Variants in ARHGDIA observed in about 807,000 individuals in gnomAD.
The protein encoded by ARHGDIA is rho GDP-dissociation inhibitor 1.
ARHGDIA carries 9 observed loss-of-function variants against 25.0 expected under a neutral mutation model. The observed-to-expected ratio is 0.36, with a 90% CI of 0.22 to 0.63. The LOEUF is 0.63. Among genes scored for constraint, ARHGDIA ranks in the 20% least tolerant of loss-of-function variants. The pLI is 0.69. For synonymous variants in ARHGDIA, 166 were observed against 111.5 expected (o/e 1.49, Z -3.08); for missense variants, 239 against 264.3 (o/e 0.90, Z 0.66).
intron 1 of ARHGDIA, chr17:81,870,927 C>T (rs2039277927): frequency 6.6e-6 from 1 of 151,338 alleles, no homozygotes; most frequent in Admixed American, 6.6e-5. Context: ...CCCGGCGCCC[C>T]CCGCGTCCCC....
chr17:81,869,325 C>G lies in ARHGDIA; in HGVS notation c.351+5G>C. 2 of 1,614,108 alleles carry G rather than the reference C, an allele frequency of 1.2e-6. No homozygotes were observed. Among genetic ancestry groups the G allele is most frequent in the Non-Finnish European group, 1.7e-6 (2 of 1,180,002 alleles). On this transcript the variant is annotated splice_donor_5th_base_variant and intron_variant, in intron 4 of 5. Coordinates refer to ENST00000269321, the MANE Select transcript of ARHGDIA (RefSeq NM_004309.6). ...ATTCCCTGGCCACAGCAGCCTGTAG[C>G]TTACCCGGAAAGAGATTTTTATCCG... is the stretch of plus-strand genomic sequence containing the variant.
rs766228744 is a variant in ARHGDIA, at chr17:81,868,826, G to A, written c.*50C>T. The A allele has an allele frequency of 8.1e-6, 13 of 1,611,264 alleles. No individual in the cohort carries two copies. Among genetic ancestry groups the A allele is most frequent in the African/African-American group, 6.7e-5 (5 of 74,884 alleles). ...GGGAGGGGCTGGGGGGGACACATCC[G>A]CCTGTCCGTCGTCCGTCCGTCAGTC... On this transcript the variant is annotated 3_prime_UTR_variant, in exon 6 of 6. Transcript: ENST00000269321.
In ARHGDIA at chr17:81,868,654, G is replaced by A; in HGVS notation, c.*222C>T. ...CTCCCCCACAGCACAGGCAGAAGCA[G>A]CAACGAGACAGGAGACCGAGGAGGC... On this transcript the variant is annotated 3_prime_UTR_variant, in exon 6 of 6. Transcript: ENST00000269321. The A allele has an allele frequency of 6.5e-7, 1 of 1,535,182 alleles. No individual in the cohort carries two copies. Among genetic ancestry groups the A allele is most frequent in the East Asian group, 2.4e-5 (1 of 40,900 alleles).
At chr17:81,871,146 C>G (rs542489091) in intron 1 of ARHGDIA, among the ~76,000 whole-genome samples, 152 bp downstream of exon 1, 47 of 146,412 alleles carry the variant, frequency 3.2e-4, no homozygotes, top group African/African-American at 1.1e-3. Flanking sequence ...ACCGCGCCCC[C>G]GCCCGCCGAG....
chr17:81,870,033 C>T, intron 1 of ARHGDIA, 76 bp from the exon 2 acceptor site: 5 of 1,427,676 alleles, frequency 3.5e-6, no homozygotes, highest in Non-Finnish European at 4.7e-6. Flanking sequence ...GTGTGGGCTG[C>T]AGCCGGAGCT....
Position 81,868,832 on chromosome 17 carries a change from C to T in ARHGDIA, c.*44G>A. On this transcript the variant is annotated 3_prime_UTR_variant, in exon 6 of 6. Transcript: ENST00000269321. ...GGCTGGGGGGGACACATCCGCCTGTCCGTCGTCCGTCCGTCAGTCTGCCCT... is the reference window on the plus strand; with the variant it reads ...GGCTGGGGGGGACACATCCGCCTGTTCGTCGTCCGTCCGTCAGTCTGCCCT... The T allele has an allele frequency of 1.2e-6, 2 of 1,612,160 alleles. No individual in the cohort carries two copies. Among genetic ancestry groups the T allele is most frequent in the Non-Finnish European group, 1.7e-6 (2 of 1,179,710 alleles).
intron 4 of ARHGDIA, 43 bp downstream of exon 4, chr17:81,869,287 C>A: frequency 6.2e-7 from 1 of 1,613,980 alleles, no homozygotes; most frequent in Non-Finnish European, 8.5e-7. Flanking sequence ...ACCCCAGCCC[C>A]AGCCCCGCCT....
At chr17:81,871,009 G>A (rs1179805220) in intron 1 of ARHGDIA, 1 of 149,802 alleles carries the variant, frequency 6.7e-6, no homozygotes, top group Non-Finnish European at 1.5e-5. Context: ...CGGACCGCTC[G>A]GGAGGGGCCG....
chr17:81,871,222 C>T (rs1473227134), intron 1 of ARHGDIA, 76 bp downstream of exon 1: 1 of 148,816 alleles, frequency 6.7e-6, no homozygotes, highest in Non-Finnish European at 1.5e-5. Context: ...CGCCCCCCGC[C>T]CCCGCCGGCG....
At chr17:81,870,017 G>C (rs2039239418) in intron 1 of ARHGDIA, 60 bp from the exon 2 acceptor site, 1 of 1,514,748 alleles carries the variant, frequency 6.6e-7, no homozygotes, top group Non-Finnish European at 8.9e-7. Context: ...GCACTTCTGA[G>C]CAGGAGTGTG....
At chr17:81,870,312 C>T (rs908679079) in intron 1 of ARHGDIA, 1 of 232,650 alleles carries the variant, frequency 4.3e-6, no homozygotes, top group Non-Finnish European at 8.5e-6. Flanking sequence ...GGTCTTGCCG[C>T]TCTTGAGCTG....
rs2039112174 is a variant in ARHGDIA at position 81,868,304 on chromosome 17, A to C, written c.*572T>G. On this transcript the variant is annotated 3_prime_UTR_variant, in exon 6 of 6. Transcript: ENST00000269321. Reference sequence around the variant, plus strand: ...CCACCGGGGAAGGGACGGGGAGGCCACATGCTCATGCAGACACAGGGAGTT... The same window carrying C: ...CCACCGGGGAAGGGACGGGGAGGCCCCATGCTCATGCAGACACAGGGAGTT... 7.2e-7 allele frequency: 1 copy of C among 1,387,242 alleles called. No homozygotes were observed. Among genetic ancestry groups the C allele is most frequent in the Non-Finnish European group, 9.4e-7 (1 of 1,064,780 alleles). 85.9% of individuals were successfully genotyped at this position (1,387,242 alleles called of 1,614,324 possible).
At position 81,868,415 on chromosome 17, in the gene ARHGDIA, G is replaced by A. The variant is rs943640634; in HGVS notation, c.*461C>T. 6.9e-7 allele frequency: 1 copy of A among 1,452,858 alleles called. No homozygotes were observed. The highest frequency in any genetic ancestry group is 1.4e-5 in the African/African-American group (1 of 70,262). 90.0% of individuals were successfully genotyped at this position (1,452,858 alleles called of 1,614,324 possible). A position where few individuals can be genotyped will look rare whatever the true frequency, so the allele number is the denominator to read the frequency against. ...CGACAGCGACAAGGGGGCTGGCCAG[G>A]GAGCAGCGGGGCTGGAGGACGGCCC... On this transcript the variant is annotated 3_prime_UTR_variant, in exon 6 of 6. Coordinates refer to ENST00000269321, the MANE Select transcript of ARHGDIA (RefSeq NM_004309.6).
At chr17:81,869,706 C>G in intron 2 of ARHGDIA, 35 bp downstream of exon 2, 4 of 1,589,262 alleles carry the variant, frequency 2.5e-6, no homozygotes, top group Non-Finnish European at 3.4e-6. Context: ...CTGGAGTGAA[C>G]GGGCGGCCAC....
intron 2 of ARHGDIA, 30 bp downstream of exon 2, chr17:81,869,711 G>T (rs372030138): frequency 6.3e-7 from 1 of 1,597,588 alleles, no homozygotes. Context: ...GTGAACGGGC[G>T]GCCACCCGGC....
Position 81,867,816 on chromosome 17 carries a change from CG to C in ARHGDIA, c.*1059del, listed in dbSNP as rs1331906030. The C allele has an allele frequency of 6.5e-6, 1 of 152,952 alleles. No homozygotes were observed. Among genetic ancestry groups the C allele is most frequent in the Non-Finnish European group, 1.5e-5 (1 of 68,298 alleles). 9.5% of individuals were successfully genotyped at this position (152,952 alleles called of 1,614,324 possible). A position where few individuals can be genotyped will look rare whatever the true frequency, so the allele number is the denominator to read the frequency against. On this transcript the variant is annotated 3_prime_UTR_variant, in exon 6 of 6. Transcript: ENST00000269321. ...CACAACACGAAGACCGGGGATGGGG[CG>C]GGGGAGGCACAGGAGACGGCTCTCA...
intron 1 of ARHGDIA, 43 bp from the exon 2 acceptor site, chr17:81,870,000 C>G: frequency 6.4e-7 from 1 of 1,571,406 alleles, no homozygotes; most frequent in South Asian, 1.1e-5. Context: ...GGATCCCCAA[C>G]GGAGGCGCAC....
At position 81,868,016 on chromosome 17, in the gene ARHGDIA, G is replaced by A. The variant is rs1300105503; in HGVS notation, c.*860C>T. ...CGGGGCTCCTGGCTGGGCCCAGGTGGGGTGAGTGAGGCTGTCCATCGAGGG... is the reference window on the plus strand; with the variant it reads ...CGGGGCTCCTGGCTGGGCCCAGGTGAGGTGAGTGAGGCTGTCCATCGAGGG... On this transcript the variant is annotated 3_prime_UTR_variant, in exon 6 of 6. Coordinates refer to ENST00000269321, the MANE Select transcript of ARHGDIA (RefSeq NM_004309.6). 1.8e-5 allele frequency: 4 copies of A among 217,840 alleles called. No homozygotes were observed. Among genetic ancestry groups the A allele is most frequent in the Non-Finnish European group, 3.6e-5 (4 of 110,268 alleles). The allele number at this position is 217,840 out of a possible 1,614,324, so 13.5% of individuals were successfully genotyped here.
At position 81,868,618 on chromosome 17, in the gene ARHGDIA, C is replaced by G. The variant is rs2039138036; in HGVS notation, c.*258G>C. ...CACAGAAAGGGCAGCAGAGGCCTGG[C>G]TGCGGCCTCTCTCCCCCACAGCACA... On this transcript the variant is annotated 3_prime_UTR_variant, in exon 6 of 6. Coordinates refer to ENST00000269321, the MANE Select transcript of ARHGDIA (RefSeq NM_004309.6). 6.5e-7 allele frequency: 1 copy of G among 1,535,506 alleles called. No homozygotes were observed.
Sources: gnomAD v4.1 joint callset for allele counts (sites outside exome capture counted in the v4.1 genomes callset) on GRCh38, gnomAD v4.1.1 for gene constraint, MANE v1.5 for transcripts, NCBI Gene and HGNC (gene_info 2026-07-23, HGNC 2026-07-21) for gene names.